TCF24: variants seen among roughly 807,000 people sequenced by gnomAD.
TCF24 encodes the protein transcription factor 24.
Under a neutral mutation model 9.3 loss-of-function variants are expected in TCF24, and 5 were observed. The observed-to-expected ratio is 0.54, with a 90% CI of 0.28 to 1.13. TCF24 has a LOEUF of 1.13. TCF24 is among the 50% of genes most tolerant of loss of function. The pLI, the probability that TCF24 is intolerant of heterozygous loss-of-function variation, is 0.09. For missense variants in TCF24, 220 were observed against 236.1 expected, an observed-to-expected ratio of 0.93 and a Z score of 0.45; for synonymous variants, 110 against 115.8, an observed-to-expected ratio of 0.95 and a Z score of 0.32.
Position 66,961,408 on chromosome 8 carries a change from G to A in TCF24, c.358C>T (p.Leu120=). ...GGGTGCAGGTAGCCATCGCCGCGCA[G>A]GGCGCCCAACCCGGCGTCCGCCGGC... ...EAPADAGLGA[L]RGDGYLHPVK... is the part of the protein sequence containing the mutation. The change falls in exon 3 of 4, where the codon CTG becomes TTG. Residue 120 remains leucine (L), a synonymous_variant. Transcript: ENST00000563496. 1 of 1,513,324 alleles carries A rather than the reference G, an allele frequency of 6.6e-7. No individual in the cohort carries two copies. The highest frequency in any genetic ancestry group is 8.8e-7 in the Non-Finnish European group (1 of 1,137,138). The allele number at this position is 1,513,324 out of a possible 1,614,324, so 93.7% of individuals were successfully genotyped here.
At chr8:66,959,406 G>A (rs932930642) in intron 3 of TCF24, among the ~76,000 whole-genome samples, 2 of 152,076 alleles carry the variant, frequency 1.3e-5, no homozygotes, top group Admixed American at 6.6e-5. Flanking sequence ...AATTTCTTTC[G>A]CATTAATCAA....
intron 3 of TCF24, among the ~76,000 whole-genome samples, chr8:66,958,871 C>G (rs1361925712): frequency 6.6e-6 from 1 of 152,218 alleles, no homozygotes; most frequent in African/African-American, 2.4e-5. Flanking sequence ...GCAGCTGATG[C>G]TGATGGAAAT....
intron 3 of TCF24, among the ~76,000 whole-genome samples, chr8:66,949,011 T>C (rs927440938): frequency 2.6e-5 from 4 of 152,190 alleles, no homozygotes; most frequent in Admixed American, 1.3e-4. Context: ...AAACGATATC[T>C]AGAAGTCATA....
At chr8:66,955,159 T>C (rs1814132999) in intron 3 of TCF24, 1 of 152,244 alleles carries the variant, frequency 6.6e-6, no homozygotes, top group African/African-American at 2.4e-5. Context: ...AATCATCACA[T>C]TTGAATTACT....
chr8:66,961,189 C>G (rs1814245439), intron 3 of TCF24, among the ~76,000 whole-genome samples, 187 bp downstream of exon 3: 5 of 152,214 alleles, frequency 3.3e-5, no homozygotes, highest in Admixed American at 3.3e-4. Flanking sequence ...CTGTGAACCG[C>G]GAAGGAGCCG....
At chr8:66,948,468 G>A (rs920813928) in intron 3 of TCF24, among the ~76,000 whole-genome samples, 17 of 152,064 alleles carry the variant, frequency 1.1e-4, no homozygotes, top group African/African-American at 2.2e-4. Flanking sequence ...ATATCTGCCC[G>A]TAATGTTTTA....
At position 66,961,490 on chromosome 8, in the gene TCF24, C is replaced by T. The variant is rs1585947856; in HGVS notation, c.276G>A (p.Leu92=). 2 of 1,527,566 alleles carry T rather than the reference C, an allele frequency of 1.3e-6. No individual in the cohort carries two copies. The highest frequency in any genetic ancestry group is 1.7e-6 in the Non-Finnish European group (2 of 1,143,784). 94.6% of individuals were successfully genotyped at this position (1,527,566 alleles called of 1,614,324 possible). A position where few individuals can be genotyped will look rare whatever the true frequency, so the allele number is the denominator to read the frequency against. The change falls in exon 3 of 4, where the codon CTG becomes CTA. Residue 92 remains leucine, a synonymous_variant. Transcript: ENST00000563496. ...GATGCGCGATGTAGGTGGTGGCCAGCAGCAGCACGTCCAGCTTGGACAGCT... is the reference window on the plus strand; with the variant it reads ...GATGCGCGATGTAGGTGGTGGCCAGTAGCAGCACGTCCAGCTTGGACAGCT... The part of the protein sequence containing the change: ...DTKLSKLDVL[L]LATTYIAHLT...
Position 66,960,418 on chromosome 8 carries a change from T to TTG in TCF24, c.390+956_390+957dup, listed in dbSNP as rs147053540. On this transcript the variant is annotated intron_variant, in intron 3 of 3. Transcript: ENST00000563496. ...TAAGTCTTAAGTCTTAACTTTGCAT[T>TTG]TGTGTGTGTGTGTGTGTGTGCGCGC... is the stretch of plus-strand genomic sequence containing the variant. Among the ~76,000 whole-genome samples the TTG allele has an allele frequency of 4.4e-3, 660 of 149,544 alleles. 2 individuals are homozygous for TTG. Among genetic ancestry groups the TTG allele is most frequent in the Middle Eastern group, 7.0e-3 (2 of 286 alleles).
rs1451144910 is a variant in TCF24, at chr8:66,947,941, C to G, written c.*110G>C. The G allele has an allele frequency of 1.4e-6, 1 of 720,934 alleles. No homozygotes were observed. The highest frequency in any genetic ancestry group is 2.2e-6 in the Non-Finnish European group (1 of 463,506). 44.7% of individuals were successfully genotyped at this position (720,934 alleles called of 1,614,324 possible). Reference sequence around the variant, plus strand: ...ACCTGAACATCCAACTATGGGTTCACATGTAAACTTTCAGAAATTTTGTTA... The same window carrying G: ...ACCTGAACATCCAACTATGGGTTCAGATGTAAACTTTCAGAAATTTTGTTA... On this transcript the variant is annotated 3_prime_UTR_variant, in exon 4 of 4. Transcript: ENST00000563496.
Position 66,961,682 on chromosome 8 carries a change from A to T in TCF24, c.84T>A (p.Arg28=), listed in dbSNP as rs1205452270. 1 of 1,104,538 alleles carries T rather than the reference A, an allele frequency of 9.1e-7. No individual in the cohort carries two copies. Among genetic ancestry groups the T allele is most frequent in the Non-Finnish European group, 1.1e-6 (1 of 907,804 alleles). The allele number at this position is 1,104,538 out of a possible 1,614,324, so 68.4% of individuals were successfully genotyped here. ...APLAAAIRDS[R]PGRTGPGPAG... Reference sequence around the variant, plus strand: ...CCGGCCCCGGCCCGGTCCGCCCGGGACGCGAGTCGCGGATGGCGGCGGCCA... The same window carrying T: ...CCGGCCCCGGCCCGGTCCGCCCGGGTCGCGAGTCGCGGATGGCGGCGGCCA... The change falls in exon 3 of 4, where the codon CGT becomes CGA. Residue 28 remains arginine, a synonymous_variant. Coordinates refer to ENST00000563496, the MANE Select transcript of TCF24 (RefSeq NM_001193502.2).
At chr8:66,953,560 G>C (rs2130899198) in intron 3 of TCF24, among the ~76,000 whole-genome samples, 1 of 150,224 alleles carries the variant, frequency 6.7e-6, no homozygotes, top group East Asian at 2.0e-4. Flanking sequence ...TGGTGAATCT[G>C]ACAATTATGT....
At chr8:66,949,537 C>A (rs1348084152) in intron 3 of TCF24, among the ~76,000 whole-genome samples, 2 of 152,176 alleles carry the variant, frequency 1.3e-5, no homozygotes, top group Non-Finnish European at 2.9e-5. Context: ...CAAGTCTTTG[C>A]TATTGTGAAT....
intron 3 of TCF24, among the ~76,000 whole-genome samples, chr8:66,958,481 G>C (rs1814198922): frequency 6.6e-6 from 1 of 152,116 alleles, no homozygotes; most frequent in Non-Finnish European, 1.5e-5. Flanking sequence ...TGGCCAACAT[G>C]GTGAAACTCC....
intron 3 of TCF24, among the ~76,000 whole-genome samples, chr8:66,952,664 C>A (rs1408866677): frequency 2.0e-5 from 3 of 148,038 alleles, no homozygotes; most frequent in Non-Finnish European, 3.0e-5. Context: ...GACTTTCTGT[C>A]TCGTTGATCT....
Position 66,961,406 on chromosome 8 carries a change from C to A in TCF24, c.360G>T (p.Leu120=), listed in dbSNP as rs1295250471. The A allele has an allele frequency of 1.3e-6, 2 of 1,512,474 alleles. No homozygotes were observed. Among genetic ancestry groups the A allele is most frequent in the Non-Finnish European group, 1.8e-6 (2 of 1,136,728 alleles). The allele number at this position is 1,512,474 out of a possible 1,614,324, so 93.7% of individuals were successfully genotyped here. Residue 120 remains leucine, a synonymous_variant, in exon 3 of 4, where the codon CTG becomes CTT. Transcript: ENST00000563496. ...CCGGGTGCAGGTAGCCATCGCCGCG[C>A]AGGGCGCCCAACCCGGCGTCCGCCG... ...EAPADAGLGA[L]RGDGYLHPVK...
At chr8:66,959,533 T>C (rs751134217) in intron 3 of TCF24, among the ~76,000 whole-genome samples, 1 of 152,232 alleles carries the variant, frequency 6.6e-6, no homozygotes, top group Non-Finnish European at 1.5e-5. Flanking sequence ...TAGCACATAA[T>C]TATAGTTCTT....
At chr8:66,957,660 A>G (rs957004595) in intron 3 of TCF24, among the ~76,000 whole-genome samples, 5 of 152,146 alleles carry the variant, frequency 3.3e-5, no homozygotes, top group Non-Finnish European at 5.9e-5. Context: ...TGAATAGTGT[A>G]GCACAGATAT....
At chr8:66,951,879 C>T (rs1306960124) in intron 3 of TCF24, among the ~76,000 whole-genome samples, 2 of 149,936 alleles carry the variant, frequency 1.3e-5, no homozygotes, top group Admixed American at 6.7e-5. Context: ...AGTTTATTTG[C>T]GTAGAGGTGT....
intron 3 of TCF24, among the ~76,000 whole-genome samples, chr8:66,959,846 T>C (rs1009266304): frequency 2.7e-4 from 41 of 152,174 alleles, no homozygotes; most frequent in African/African-American, 9.4e-4. Context: ...ACAGTTATGA[T>C]TACAAAAACA....
Sources: allele counts gnomAD v4.1 joint callset (sites outside exome capture counted in the v4.1 genomes callset), GRCh38; gene constraint gnomAD v4.1.1; transcripts MANE v1.5; gene names NCBI Gene and HGNC (gene_info 2026-07-23, HGNC 2026-07-21).